PCDHGA5: variants seen among roughly 807,000 people sequenced by gnomAD.
The protein encoded by PCDHGA5 is protocadherin gamma-A5.
Under a neutral mutation model 56.7 loss-of-function variants are expected in PCDHGA5, and 36 were observed. That is an observed-to-expected ratio of 0.64 (90% CI 0.49 to 0.84). The LOEUF is 0.84. Ranked by LOEUF, PCDHGA5 falls within the 40% of genes least tolerant of loss-of-function variation. The probability of loss-of-function intolerance (pLI) is 0.00; values close to 1 mark genes in which losing one functional copy is unlikely to be tolerated. For missense variants in PCDHGA5, 1,305 were observed against 1,201.5 expected, an observed-to-expected ratio of 1.09 and a Z score of -1.27; for synonymous variants, 563 against 520.2, an observed-to-expected ratio of 1.08 and a Z score of -1.12.
rs1344329529 is a variant in PCDHGA5, at chr5:141,456,847, C to T, written c.2422-37960C>T. Among the ~76,000 whole-genome samples the T allele has an allele frequency of 2.0e-5, 3 of 152,084 alleles. No homozygotes were observed. The East Asian group carries it at 5.8e-4, about 29-fold the overall frequency. ...TCGTGGTAGTGGGCGCCTGTAATCC[C>T]AGCTAATTGGGAGGCTGAGGCAGGA... On this transcript the variant is annotated intron_variant, in intron 1 of 3. Transcript: ENST00000518069.
At chr5:141,393,102 G>C (rs768432261) in intron 1 of PCDHGA5, 2 of 1,613,568 alleles carry the variant, frequency 1.2e-6, no homozygotes, top group Non-Finnish European at 1.7e-6. Context: ...GGAGCTCTGC[G>C]CTCAGAGCCC....
Position 141,477,029 on chromosome 5 carries a change from A to G in PCDHGA5, c.2422-17778A>G. 6.2e-7 allele frequency: 1 copy of G among 1,614,238 alleles called. No homozygotes were observed. The highest frequency in any genetic ancestry group is 8.5e-7 in the Non-Finnish European group (1 of 1,180,040). ...CTTAGACCTTGTAACCGGGATGCTG[A>G]CAATCAAGGGTCGGCTGGACTTCGA... On this transcript the variant is annotated intron_variant, in intron 1 of 3. Coordinates refer to ENST00000518069, the MANE Select transcript of PCDHGA5 (RefSeq NM_018918.3). The surrounding 1 kb of genome is among the most constrained non-coding windows in gnomAD (Gnocchi z 4.9).
intron 1 of PCDHGA5, among the ~76,000 whole-genome samples, chr5:141,381,033 C>G (rs191532708): frequency 2.0e-4 from 30 of 152,324 alleles, no homozygotes; most frequent in African/African-American, 7.2e-4. Flanking sequence ...TTCCTTTAAA[C>G]AAAATTTATC....
At chr5:141,414,161 GA>G (rs1351073953) in intron 1 of PCDHGA5, 1 of 1,603,276 alleles carries the variant, frequency 6.2e-7, no homozygotes, top group Admixed American at 1.7e-5. Context: ...GAAGATGGAG[GA>G]GCATATCTTG....
At position 141,383,914 on chromosome 5, in the gene PCDHGA5, G is replaced by T. The variant is rs1167823249; in HGVS notation, c.2421+17163G>T. ...GGCAAAAGTACTGATCACAGTTTTA[G>T]ATGTAAATGATAATGCTCCAGAAGT... On this transcript the variant is annotated intron_variant, in intron 1 of 3. Transcript: ENST00000518069. The T allele has an allele frequency of 6.2e-7, 1 of 1,613,958 alleles. No individual in the cohort carries two copies. Among genetic ancestry groups the T allele is most frequent in the Admixed American group, 1.7e-5 (1 of 60,022 alleles).
At chr5:141,418,489 G>C (rs774653264) in intron 1 of PCDHGA5, 26 of 1,613,874 alleles carry the variant, frequency 1.6e-5, no homozygotes, top group Admixed American at 1.5e-4. Context: ...CTCACCACTT[G>C]GTACTGACCG....
intron 1 of PCDHGA5, among the ~76,000 whole-genome samples, chr5:141,381,177 C>G (rs935775632): frequency 6.6e-6 from 1 of 152,214 alleles, no homozygotes; most frequent in African/African-American, 2.4e-5. Context: ...TCCCACAAAA[C>G]GAAGTTAAGC....
rs1223431294 is a variant in PCDHGA5, at chr5:141,490,280, C to T, written c.2422-4527C>T. ...GATGTGGGGGATGTCAATGACAATG[C>T]CCCAGAGGTGCTATTGGCCTCTTTG... On this transcript the variant is annotated intron_variant, in intron 1 of 3. Transcript: ENST00000518069. The surrounding 1 kb of genome is among the most constrained non-coding windows in gnomAD (Gnocchi z 5.4). The T allele has an allele frequency of 5.6e-6, 9 of 1,614,216 alleles. No individual in the cohort carries two copies. In the East Asian group the frequency reaches 1.8e-4, roughly 32 times the overall value.
In PCDHGA5 at chr5:141,365,167, C is replaced by A. The variant is rs201444039; in HGVS notation, c.837C>A (p.Tyr279Ter). ...AGGGAATAAACGGGAAATTGACCTA[C>A]TCTTTTCGCAATGAAGAAGAAAAAA... is the stretch of plus-strand genomic sequence containing the variant. ...PDEGINGKLT[Y>*]SFRNEEEKIS... Residue 279 changes from tyrosine (Y) to a stop codon, truncating the protein, a stop_gained, in exon 1 of 4, where the codon TAC (tyrosine) becomes TAA (stop). Coordinates refer to ENST00000518069, the MANE Select transcript of PCDHGA5 (RefSeq NM_018918.3). LOFTEE classifies it high-confidence loss of function. The A allele has an allele frequency of 2.5e-5, 41 of 1,613,832 alleles. No individual in the cohort carries two copies. The highest frequency in any genetic ancestry group is 3.4e-5 in the Non-Finnish European group (40 of 1,179,908).
At chr5:141,436,305 T>C (rs2097810667) in intron 1 of PCDHGA5, among the ~76,000 whole-genome samples, 1 of 152,184 alleles carries the variant, frequency 6.6e-6, no homozygotes. Flanking sequence ...AGTTAGAGCA[T>C]GAATAGTCAA....
intron 1 of PCDHGA5, among the ~76,000 whole-genome samples, chr5:141,465,407 A>G (rs1019401245): frequency 6.6e-6 from 1 of 152,218 alleles, no homozygotes; most frequent in African/African-American, 2.4e-5. Flanking sequence ...AGAAGAAGCC[A>G]AATCAGCACT....
chr5:141,364,954 C>T lies in PCDHGA5; in HGVS notation c.624C>T (p.His208=), dbSNP rs765455076. Residue 208 remains histidine, a synonymous_variant, in exon 1 of 4, where the codon CAC becomes CAT. Transcript: ENST00000518069. ...QPLDREKETV[H]DLLLTALDGG... is the part of the protein sequence containing the mutation. Reference sequence around the variant, plus strand: ...TAGACCGCGAGAAAGAGACTGTTCACGACCTCCTCCTCACAGCTTTAGATG... The same window carrying T: ...TAGACCGCGAGAAAGAGACTGTTCATGACCTCCTCCTCACAGCTTTAGATG... 1.1e-5 allele frequency: 17 copies of T among 1,613,940 alleles called. No homozygotes were observed. The highest frequency in any genetic ancestry group is 1.0e-4 in the Admixed American group (6 of 60,016).
intron 2 of PCDHGA5, among the ~76,000 whole-genome samples, chr5:141,500,184 TTTTATTTATTTATTTATTTA>T (rs58019021): frequency 1.5e-5 from 2 of 135,966 alleles, no homozygotes; most frequent in Non-Finnish European, 3.2e-5. Flanking sequence ...TCATTTTTAT[TTTTATTTATTTATTTATTTA>T]TTTATTTATT....
At chr5:141,421,582 G>A (rs531591776) in intron 1 of PCDHGA5, 4 of 1,613,874 alleles carry the variant, frequency 2.5e-6, no homozygotes, top group Non-Finnish European at 2.5e-6. Flanking sequence ...GAAGATTTAC[G>A]GAGTGGAGGT....
intron 1 of PCDHGA5, among the ~76,000 whole-genome samples, chr5:141,397,380 A>G (rs1469821900): frequency 1.7e-4 from 26 of 152,236 alleles, no homozygotes; most frequent in Non-Finnish European, 3.8e-4. Flanking sequence ...GGGGATTGGT[A>G]TAAAATTGCC....
chr5:141,404,594 T>C (rs778412256), intron 1 of PCDHGA5: 6 of 1,614,050 alleles, frequency 3.7e-6, no homozygotes, highest in South Asian at 1.1e-5. Flanking sequence ...CAATGTGTCA[T>C]TGAGACTGTT....
rs769909773 is a variant in PCDHGA5 at position 141,476,732 on chromosome 5, C to T, written c.2422-18075C>T. The T allele has an allele frequency of 8.7e-6, 14 of 1,614,096 alleles. No homozygotes were observed. Among genetic ancestry groups the T allele is most frequent in the Non-Finnish European group, 1.1e-5 (13 of 1,180,030 alleles). ...GTTGGAGCGCGCCCTGGACCGAGAA[C>T]GGGAGCCTAGTCTCCAGTTAGTGCT... is the stretch of plus-strand genomic sequence containing the variant. On this transcript the variant is annotated intron_variant, in intron 1 of 3. Coordinates refer to ENST00000518069, the MANE Select transcript of PCDHGA5 (RefSeq NM_018918.3). The surrounding 1 kb of genome is among the most constrained non-coding windows in gnomAD (Gnocchi z 7.6).
chr5:141,502,667 T>G (rs2099815574), intron 2 of PCDHGA5, among the ~76,000 whole-genome samples: 1 of 152,236 alleles, frequency 6.6e-6, no homozygotes. Context: ...TTCATGCAAT[T>G]TTAGTATTCC....
intron 2 of PCDHGA5, among the ~76,000 whole-genome samples, chr5:141,499,573 A>AT (rs2099792803): frequency 1.3e-5 from 2 of 152,108 alleles, no homozygotes; most frequent in Non-Finnish European, 2.9e-5. Context: ...AGCTTCAACT[A>AT]ATGCCTTATC....
Sources: allele counts gnomAD v4.1 joint callset (sites outside exome capture counted in the v4.1 genomes callset), GRCh38; gene constraint gnomAD v4.1.1; non-coding constraint Gnocchi (gnomAD v3.1); transcripts MANE v1.5; gene names NCBI Gene and HGNC (gene_info 2026-07-23, HGNC 2026-07-21).